Variants in CLASP1 observed in about 807,000 individuals in gnomAD.
The protein encoded by CLASP1 is cytoplasmic linker associated protein 1.
A neutral mutation model predicts 192.3 loss-of-function variants in CLASP1; 38 were observed. The ratio of observed to expected loss-of-function variants is 0.20; its 90% CI spans 0.15 to 0.26. CLASP1 has a LOEUF of 0.26. Ranked by LOEUF, CLASP1 falls within the 10% of genes least tolerant of loss-of-function variation. CLASP1 has a pLI of 1.00. For synonymous variants in CLASP1, 691 were observed against 712.8 expected (o/e 0.97, Z 0.49); for missense variants, 1,433 against 1,932.5 (o/e 0.74, Z 4.85).
intron 30 of CLASP1, among the ~76,000 whole-genome samples, chr2:121,395,866 C>T (rs1003226809): frequency 1.3e-5 from 2 of 152,120 alleles, no homozygotes; most frequent in South Asian, 2.1e-4. Flanking sequence ...CAAGCCTAGT[C>T]CTGAAGATAC....
intron 2 of CLASP1, chr2:121,530,816 T>G (rs2094770172): frequency 1.6e-6 from 1 of 632,084 alleles, no homozygotes. Flanking sequence ...GGCTCACGAA[T>G]TAATTACCAC....
chr2:121,647,556 T>A (rs1018853132), intron 1 of CLASP1, among the ~76,000 whole-genome samples: 1 of 152,104 alleles, frequency 6.6e-6, no homozygotes, highest in Non-Finnish European at 1.5e-5. Context: ...AGAGATTCTA[T>A]CCCACTAGTT....
intron 39 of CLASP1, 88 bp downstream of exon 40, chr2:121,346,950 T>C: frequency 1.3e-6 from 1 of 777,748 alleles, no homozygotes; most frequent in African/African-American, 1.7e-5. Flanking sequence ...ACAAAACCTG[T>C]CTGGAATCCA....
At chr2:121,475,706 G>A (rs1054380700) in intron 8 of CLASP1, among the ~76,000 whole-genome samples, 1 of 152,170 alleles carries the variant, frequency 6.6e-6, no homozygotes, top group African/African-American at 2.4e-5. Context: ...GCAGGCTTGT[G>A]CCATTACATC....
intron 8 of CLASP1, among the ~76,000 whole-genome samples, chr2:121,479,033 C>CCCCA (rs2092346672): frequency 3.4e-5 from 2 of 59,016 alleles, no homozygotes; most frequent in African/African-American, 1.7e-4. Context: ...CACACACACC[C>CCCCA]CACACACACA....
intron 2 of CLASP1, among the ~76,000 whole-genome samples, chr2:121,587,356 G>C (rs2061840289): frequency 1.3e-5 from 2 of 152,276 alleles, no homozygotes; most frequent in East Asian, 3.9e-4. Flanking sequence ...CCTGGATCCA[G>C]GGCAGGGCTG....
intron 5 of CLASP1, 59 bp from the exon 6 acceptor site, chr2:121,525,979 CTGTCTGCCCACACCTGCCCTTCCCG>C (rs2094564897): frequency 7.8e-7 from 1 of 1,276,836 alleles, no homozygotes; most frequent in African/African-American, 1.5e-5. Context: ...AGAAAGATGC[CTGTCTGCCCACACCTGCCCTTCCCG>C]TGTCTCCCCA....
chr2:121,526,081 T>A, intron 5 of CLASP1, 161 bp from the exon 6 acceptor site: 1 of 624,440 alleles, frequency 1.6e-6, no homozygotes, highest in Non-Finnish European at 2.9e-6. Flanking sequence ...AGTAAATGTG[T>A]CCGATGGCCC....
At chr2:121,356,095 G>A (rs1573698523) in intron 37 of CLASP1, among the ~76,000 whole-genome samples, 1 of 152,092 alleles carries the variant, frequency 6.6e-6, no homozygotes, top group South Asian at 2.1e-4. Flanking sequence ...AGGTTCACAA[G>A]GTTTGATCTG....
At chr2:121,472,489 C>T (rs866588175) in intron 8 of CLASP1, among the ~76,000 whole-genome samples, 1 of 152,188 alleles carries the variant, frequency 6.6e-6, no homozygotes, top group African/African-American at 2.4e-5. Flanking sequence ...TACAATCACC[C>T]CAACTTTCTG....
At chr2:121,427,406 C>T (rs763125535) in exon 21 of CLASP1, 2 of 1,612,862 alleles carry the variant, frequency 1.2e-6, no homozygotes, top group Non-Finnish European at 1.7e-6. Flanking sequence ...TGGCTTACCA[C>T]CAGCAGGATT....
At chr2:121,481,261 G>A (rs2092575890) in intron 8 of CLASP1, among the ~76,000 whole-genome samples, 1 of 152,076 alleles carries the variant, frequency 6.6e-6, no homozygotes, top group Non-Finnish European at 1.5e-5. Flanking sequence ...TGAGGAATTA[G>A]GAACATAATT....
chr2:121,369,593 C>T (rs2068170650), intron 34 of CLASP1, among the ~76,000 whole-genome samples: 4 of 152,186 alleles, frequency 2.6e-5, no homozygotes, highest in Admixed American at 2.6e-4. Context: ...CAAAACCTTA[C>T]TCCCTCAGTG....
rs927795848 is a variant in CLASP1 at position 121,416,413 on chromosome 2, TTTG to T, written c.2320+2206_2320+2208del. 1.4e-4 allele frequency among the ~76,000 whole-genome samples: 22 copies of T among 152,306 alleles called. No homozygotes were observed. The South Asian group carries it at 4.4e-3, about 30-fold the overall frequency. On this transcript the variant is annotated intron_variant, in intron 23 of 39. Transcript: ENST00000263710. ...CTAGAATATAAGTACTGTCATTCTT[TTTG>T]TTGTTGTTGTTGTTAAAGAGCTGGC...
At chr2:121,458,772 C>T in intron 13 of CLASP1, 68 bp downstream of exon 13, 2 of 1,226,478 alleles carry the variant, frequency 1.6e-6, no homozygotes, top group South Asian at 2.2e-5. Flanking sequence ...ACAAAAATGC[C>T]TCTAATATTT....
chr2:121,509,247 C>G (rs954155081), intron 7 of CLASP1, among the ~76,000 whole-genome samples: 2 of 152,196 alleles, frequency 1.3e-5, no homozygotes, highest in African/African-American at 4.8e-5. Context: ...ACGATCCCAG[C>G]TCACTGCAAC....
rs563580064 is a variant in CLASP1 at position 121,611,239 on chromosome 2, G to A, written c.-285-5059C>T. Among the ~76,000 whole-genome samples the A allele has an allele frequency of 2.1e-5, 3 of 144,944 alleles. No individual in the cohort carries two copies. In the South Asian group the frequency reaches 6.7e-4, roughly 32 times the overall value. ...GTTACAGGAGGAAGAGGAACTGGAGGAGGAGGCGTTGGAGGAGTTACAGGA... is the reference window on the plus strand; with the variant it reads ...GTTACAGGAGGAAGAGGAACTGGAGAAGGAGGCGTTGGAGGAGTTACAGGA... On this transcript the variant is annotated intron_variant, in intron 1 of 39. Coordinates refer to ENST00000263710, the Ensembl canonical transcript of CLASP1.
intron 2 of CLASP1, among the ~76,000 whole-genome samples, chr2:121,546,136 T>C (rs2105078287): frequency 6.6e-6 from 1 of 152,288 alleles, no homozygotes; most frequent in East Asian, 1.9e-4. Flanking sequence ...CACATCTCTA[T>C]ACTTTAGCCA....
intron 8 of CLASP1, among the ~76,000 whole-genome samples, chr2:121,478,646 CCCCACA>C (rs2091973387): frequency 1.1e-5 from 1 of 92,708 alleles, no homozygotes; most frequent in Non-Finnish European, 2.1e-5. Context: ...CACACACACC[CCCCACA>C]CACACACACC....
Sources: allele counts gnomAD v4.1 joint callset (sites outside exome capture counted in the v4.1 genomes callset), GRCh38; gene constraint gnomAD v4.1.1; transcripts MANE v1.5; gene names NCBI Gene and HGNC (gene_info 2026-07-23, HGNC 2026-07-21).